Variants in MYO1E observed in about 807,000 individuals in gnomAD.
MYO1E encodes myosin IE.
A neutral mutation model predicts 151.1 loss-of-function variants in MYO1E; 68 were observed. The observed-to-expected ratio is 0.45, with a 90% CI of 0.37 to 0.55. MYO1E has a LOEUF of 0.55. Ranked by LOEUF, MYO1E falls within the 20% of genes least tolerant of loss-of-function variation. The pLI, the probability that MYO1E is intolerant of heterozygous loss-of-function variation, is 0.00. For missense variants in MYO1E, 1,363 were observed against 1,389.3 expected (o/e 0.98, Z 0.30); for synonymous variants, 601 against 501.7 (o/e 1.20, Z -2.64).
At position 59,372,676 on chromosome 15, in the gene MYO1E, A is replaced by T; in HGVS notation, c.-176T>A. The T allele has an allele frequency of 2.6e-6, 2 of 771,226 alleles. No individual in the cohort carries two copies. The highest frequency in any genetic ancestry group is 4.0e-6 in the Non-Finnish European group (2 of 498,202). The allele number at this position is 771,226 out of a possible 1,614,324, so 47.8% of individuals were successfully genotyped here. A position where few individuals can be genotyped will look rare whatever the true frequency, so the allele number is the denominator to read the frequency against. ...CCAGAGGGGACTCCATCCAGGCGGGATTGGCGGTGCTAGGTGAGGGCGAGA... is the reference window on the plus strand; with the variant it reads ...CCAGAGGGGACTCCATCCAGGCGGGTTTGGCGGTGCTAGGTGAGGGCGAGA... On this transcript the variant is annotated 5_prime_UTR_variant, in exon 1 of 28. Transcript: ENST00000288235.
chr15:59,292,746 G>A (rs1196664651), intron 1 of MYO1E, among the ~76,000 whole-genome samples: 1 of 152,220 alleles, frequency 6.6e-6, no homozygotes, highest in African/African-American at 2.4e-5. Context: ...CTACAAACAA[G>A]ACCGCGAAAT....
chr15:59,368,377 G>A (rs1242747960), intron 1 of MYO1E, among the ~76,000 whole-genome samples: 2 of 152,114 alleles, frequency 1.3e-5, no homozygotes, highest in South Asian at 2.1e-4. Flanking sequence ...TTGGGAGGCC[G>A]AGGCAGGAGG....
chr15:59,341,691 T>C (rs2080766620), intron 1 of MYO1E, among the ~76,000 whole-genome samples: 1 of 152,244 alleles, frequency 6.6e-6, no homozygotes, highest in Non-Finnish European at 1.5e-5. Context: ...TTTCATTCTT[T>C]TTTATTGCTG....
Position 59,179,950 on chromosome 15 carries a change from G to A in MYO1E, c.1905-1413C>T, listed in dbSNP as rs540932172. ...GGCAATAGGCCCCCAGGCCTTGAGC[G>A]AAGCCAGGGCCCTCCTTTGTTCCCA... is the stretch of plus-strand genomic sequence containing the variant. On this transcript the variant is annotated intron_variant, in intron 18 of 27. Transcript: ENST00000288235. Among the ~76,000 whole-genome samples, 5 of 152,348 alleles carry A rather than the reference G, an allele frequency of 3.3e-5. No homozygotes were observed. The East Asian group carries it at 7.7e-4, about 24-fold the overall frequency.
At chr15:59,211,746 A>C (rs1319798821) in intron 12 of MYO1E, among the ~76,000 whole-genome samples, 1 of 152,026 alleles carries the variant, frequency 6.6e-6, no homozygotes, top group Non-Finnish European at 1.5e-5. Context: ...ATCACCCGTG[A>C]TTGCTCTTTC....
At chr15:59,153,070 CG>C (rs1298217752) in intron 26 of MYO1E, among the ~76,000 whole-genome samples, 4 of 152,130 alleles carry the variant, frequency 2.6e-5, no homozygotes, top group African/African-American at 9.7e-5. Context: ...TCACTTCCTC[CG>C]GCTAAAAAGG....
chr15:59,343,250 C>T lies in MYO1E; in HGVS notation c.3+29248G>A, dbSNP rs1463969939. Among the ~76,000 whole-genome samples, 3 of 151,146 alleles carry T rather than the reference C, an allele frequency of 2.0e-5. No individual in the cohort carries two copies. In the East Asian group the frequency reaches 5.8e-4, roughly 29 times the overall value. On this transcript the variant is annotated intron_variant, in intron 1 of 27. Coordinates refer to ENST00000288235, the MANE Select transcript of MYO1E (RefSeq NM_004998.4). ...TCTGGGAAGGTCTTAATTTTTCCTT[C>T]ATGTTTGGAGGATATTTTTGCCAGA...
At chr15:59,228,408 T>G (rs1241426112) in intron 6 of MYO1E, among the ~76,000 whole-genome samples, 1 of 151,974 alleles carries the variant, frequency 6.6e-6, no homozygotes, top group Admixed American at 6.6e-5. Flanking sequence ...AGGTGGAGGA[T>G]GCAGTGAGCC....
intron 7 of MYO1E, among the ~76,000 whole-genome samples, chr15:59,225,899 G>A (rs527771778): frequency 6.6e-6 from 1 of 152,068 alleles, no homozygotes; most frequent in Non-Finnish European, 1.5e-5. Context: ...ACCCACCTTG[G>A]CATCCCAAAG....
At chr15:59,263,758 T>G (rs1400888769) in intron 2 of MYO1E, among the ~76,000 whole-genome samples, 1 of 152,072 alleles carries the variant, frequency 6.6e-6, no homozygotes, top group East Asian at 1.9e-4. Context: ...CAGGCCATAG[T>G]GCTAAGAGAA....
intron 17 of MYO1E, among the ~76,000 whole-genome samples, chr15:59,195,093 A>G (rs1298172944): frequency 1.3e-5 from 2 of 152,196 alleles, no homozygotes; most frequent in Non-Finnish European, 2.9e-5. Flanking sequence ...ATTCTAGGCC[A>G]CATCCTGTGG....
intron 1 of MYO1E, among the ~76,000 whole-genome samples, chr15:59,298,989 G>A (rs2080467152): frequency 6.6e-6 from 1 of 152,192 alleles, no homozygotes; most frequent in South Asian, 2.1e-4. Context: ...CAACTACAGT[G>A]ACTGGGATAG....
intron 1 of MYO1E, among the ~76,000 whole-genome samples, chr15:59,326,313 A>T (rs534308090): frequency 6.6e-6 from 1 of 152,140 alleles, no homozygotes; most frequent in East Asian, 1.9e-4. Context: ...AGGTCAGGAG[A>T]TCGAGACCAT....
At chr15:59,189,975 G>C (rs182464959) in intron 17 of MYO1E, among the ~76,000 whole-genome samples, 10 of 152,204 alleles carry the variant, frequency 6.6e-5, no homozygotes, top group African/African-American at 2.2e-4. Flanking sequence ...TGCTGATTTA[G>C]TAGGCCTGCA....
rs1182810707 is a variant in MYO1E at position 59,207,768 on chromosome 15, G to C, written c.1530+913C>G. The C allele has an allele frequency of 1.9e-6, 3 of 1,614,046 alleles. No homozygotes were observed. Among genetic ancestry groups the C allele is most frequent in the Non-Finnish European group, 2.5e-6 (3 of 1,180,038 alleles). On this transcript the variant is annotated intron_variant, in intron 14 of 27. Transcript: ENST00000288235. ...GAACTGATAAAGATCCTGAGCAATGGAAAAATGTCCACAAAGAAGTGACTG... is the reference window on the plus strand; with the variant it reads ...GAACTGATAAAGATCCTGAGCAATGCAAAAATGTCCACAAAGAAGTGACTG...
At chr15:59,242,412 G>A (rs552463224) in intron 4 of MYO1E, among the ~76,000 whole-genome samples, 66 of 152,252 alleles carry the variant, frequency 4.3e-4, no homozygotes, top group African/African-American at 1.5e-3. Context: ...GTTCCCACTG[G>A]CCAAATCAAA....
chr15:59,321,815 G>A (rs752225300), intron 1 of MYO1E, among the ~76,000 whole-genome samples: 2 of 151,702 alleles, frequency 1.3e-5, no homozygotes, highest in Admixed American at 6.6e-5. Flanking sequence ...AGGTTGAGCC[G>A]AGATCACACC....
At chr15:59,262,625 TG>T (rs2080230950) in intron 2 of MYO1E, among the ~76,000 whole-genome samples, 1 of 152,134 alleles carries the variant, frequency 6.6e-6, no homozygotes, top group South Asian at 2.1e-4. Flanking sequence ...CATTCCAGCC[TG>T]GGTGACAGAA....
At chr15:59,352,515 C>T (rs761864468) in intron 1 of MYO1E, among the ~76,000 whole-genome samples, 3 of 152,210 alleles carry the variant, frequency 2.0e-5, no homozygotes, top group Non-Finnish European at 2.9e-5. Flanking sequence ...TAGAAGCAAA[C>T]AGCTCCTCTT....
Sources: allele counts gnomAD v4.1 joint callset (sites outside exome capture counted in the v4.1 genomes callset), GRCh38; gene constraint gnomAD v4.1.1; transcripts MANE v1.5; gene names NCBI Gene and HGNC (gene_info 2026-07-23, HGNC 2026-07-21).